MTMR8: variants seen among roughly 807,000 people sequenced by gnomAD.
MTMR8 encodes phosphatidylinositol-3,5-bisphosphate 3-phosphatase MTMR8.
In MTMR8, 65 loss-of-function variants were observed where a neutral mutation model predicts 39.3. That is an observed-to-expected ratio of 1.65 (90% CI 1.35 to 2.03). The LOEUF (loss-of-function observed/expected upper bound fraction) is 2.03. Among genes scored for constraint, MTMR8 ranks in the 30% most tolerant of loss-of-function variants. The probability of loss-of-function intolerance (pLI) is 0.00; values close to 1 mark genes in which losing one functional copy is unlikely to be tolerated. For missense variants in MTMR8, 777 were observed against 538.9 expected (o/e 1.44, Z -4.37); for synonymous variants, 245 against 185.2 (o/e 1.32, Z -2.62).
chrX:64,343,014 A>G (rs762816261), intron 8 of MTMR8, among the ~76,000 whole-genome samples: 73 of 111,902 alleles, frequency 6.5e-4, no homozygotes, highest in Non-Finnish European at 1.0e-3. Flanking sequence ...TAAATGAGTC[A>G]GCATAAATAC....
At chrX:64,385,068 C>T (rs1924523586) in intron 1 of MTMR8, among the ~76,000 whole-genome samples, 1 of 112,172 alleles carries the variant, frequency 8.9e-6, no homozygotes, top group Admixed American at 9.5e-5. Context: ...AGCAGCCATG[C>T]CATTCTTGAA....
intron 12 of MTMR8, among the ~76,000 whole-genome samples, chrX:64,290,618 A>C (rs1921362490): frequency 9.2e-6 from 1 of 108,742 alleles, no homozygotes; most frequent in African/African-American, 3.4e-5. Flanking sequence ...CCTCATACCC[A>C]CCACCTCCTC....
chrX:64,278,907 A>ATG (rs764549438), intron 12 of MTMR8, among the ~76,000 whole-genome samples: 1 of 111,938 alleles, frequency 8.9e-6, no homozygotes, highest in African/African-American at 3.2e-5. Flanking sequence ...AGGCTGCAGA[A>ATG]TAGCAAAGAT....
At position 64,271,353 on chromosome X, in the gene MTMR8, C is replaced by T. The variant is rs150735176; in HGVS notation, c.1482-280G>A. Among the ~76,000 whole-genome samples the T allele has an allele frequency of 9.2e-3, 1,025 of 111,822 alleles. 13 individuals are homozygous for T. The highest frequency in any genetic ancestry group is 0.042 in the Admixed American group (448 of 10,565). On this transcript the variant is annotated intron_variant, in intron 12 of 13. Transcript: ENST00000374852. ...TTTTACTTTGAGATAATTATAGACT[C>T]ACATGTAGTTTTATGAAATAATAAG... is the stretch of plus-strand genomic sequence containing the variant.
chrX:64,346,550 T>C (rs904344098), intron 6 of MTMR8, among the ~76,000 whole-genome samples: 4 of 109,750 alleles, frequency 3.6e-5, no homozygotes, highest in African/African-American at 1.3e-4. Context: ...AAAATAATAA[T>C]AATAATAATA....
At chrX:64,380,437 T>G (rs753721923) in intron 1 of MTMR8, among the ~76,000 whole-genome samples, 2 of 112,769 alleles carry the variant, frequency 1.8e-5, no homozygotes, top group East Asian at 5.6e-4. Flanking sequence ...AAAGGTTAAC[T>G]TAATTGGCCT....
rs1276803044 is a variant in MTMR8 at position 64,353,149 on chromosome X, T to C, written c.468+1628A>G. ...TGGTTCTGGGAAAACTGGATGTCCA[T>C]ATGCAAAGAAACACTTTAGGATATT... On this transcript the variant is annotated intron_variant, in intron 4 of 13. Transcript: ENST00000374852. 3.6e-5 allele frequency among the ~76,000 whole-genome samples: 4 copies of C among 111,863 alleles called. 1 individual carries two copies. Among genetic ancestry groups the C allele is most frequent in the African/African-American group, 1.3e-4 (4 of 30,740 alleles).
intron 1 of MTMR8, among the ~76,000 whole-genome samples, chrX:64,389,256 G>A (rs1317801665): frequency 9.0e-6 from 1 of 111,682 alleles, no homozygotes; most frequent in African/African-American, 3.3e-5. Flanking sequence ...GACAGTCTAA[G>A]GTCACATAGC....
intron 1 of MTMR8, among the ~76,000 whole-genome samples, chrX:64,382,447 T>C (rs1001478879): frequency 1.8e-5 from 2 of 111,968 alleles, no homozygotes; most frequent in Non-Finnish European, 3.8e-5. Flanking sequence ...TTTTGCACAT[T>C]GATTTTGTAT....
chrX:64,354,922 T>C lies in MTMR8; in HGVS notation c.323A>G (p.Asp108Gly), dbSNP rs775536620. Residue 108 changes from aspartate (D) to glycine (G), a missense_variant, in exon 4 of 14, where the codon GAT becomes GGT. Coordinates refer to ENST00000374852, the MANE Select transcript of MTMR8 (RefSeq NM_017677.4). ...LKLSQPALPEDLYAFSYNPKS... is the reference protein window; with the variant it reads ...LKLSQPALPEGLYAFSYNPKS... ...GGGATTATAAGAAAAAGCATAAAGA[T>C]CTTCAGGTAATGCTGGAGAAGAGAG... The C allele has an allele frequency of 1.5e-5, 18 of 1,193,317 alleles. 1 individual carries two copies. Among genetic ancestry groups the C allele is most frequent in the Non-Finnish European group, 1.7e-5 (15 of 887,587 alleles).
At chrX:64,378,223 A>C (rs1924320296) in intron 1 of MTMR8, among the ~76,000 whole-genome samples, 1 of 112,091 alleles carries the variant, frequency 8.9e-6, no homozygotes, top group African/African-American at 3.2e-5. Context: ...GAACAGACTA[A>C]AACAAGAAGA....
chrX:64,306,334 A>T (rs1922117412), intron 12 of MTMR8: 1 of 283,347 alleles, frequency 3.5e-6, no homozygotes, highest in Non-Finnish European at 7.1e-6. Context: ...GTGTTTGTCA[A>T]AGCCCATGCA....
intron 12 of MTMR8, among the ~76,000 whole-genome samples, chrX:64,316,760 G>C (rs1349558712): frequency 9.0e-6 from 1 of 111,256 alleles, no homozygotes; most frequent in African/African-American, 3.3e-5. Context: ...GAAATCCACT[G>C]TCATTTAAAC....
chrX:64,363,450 G>C (rs1187753023), intron 1 of MTMR8, among the ~76,000 whole-genome samples: 3 of 111,318 alleles, frequency 2.7e-5, no homozygotes, highest in Non-Finnish European at 5.6e-5. Context: ...CACTCTCTTG[G>C]TCCTGCTCCA....
chrX:64,351,145 A>AT (rs1177682248), intron 4 of MTMR8, among the ~76,000 whole-genome samples: 1 of 111,115 alleles, frequency 9.0e-6, no homozygotes, highest in Non-Finnish European at 1.9e-5. Flanking sequence ...GGTTATACAC[A>AT]TCAAAAAGAC....
chrX:64,269,544 G>A (rs768380824), intron 13 of MTMR8, among the ~76,000 whole-genome samples: 4 of 111,036 alleles, frequency 3.6e-5, no homozygotes, highest in Non-Finnish European at 7.5e-5. Context: ...ATGACCTGTC[G>A]TCTACATCAT....
chrX:64,383,448 ATAT>A (rs1924482653), intron 1 of MTMR8, among the ~76,000 whole-genome samples: 1 of 108,897 alleles, frequency 9.2e-6, no homozygotes, highest in Non-Finnish European at 1.9e-5. Flanking sequence ...GAAATTATGT[ATAT>A]TATTATACAT....
chrX:64,345,873 C>T (rs770648404), intron 6 of MTMR8, among the ~76,000 whole-genome samples: 1 of 112,554 alleles, frequency 8.9e-6, no homozygotes, highest in South Asian at 3.7e-4. Context: ...CTTGCCTTGG[C>T]TTCCCAAAGT....
chrX:64,389,027 G>T (rs189958789), intron 1 of MTMR8, among the ~76,000 whole-genome samples: 54 of 111,800 alleles, frequency 4.8e-4, no homozygotes, highest in African/African-American at 1.7e-3. Flanking sequence ...AGACTGTTTG[G>T]CTTCGTATTT....
Sources: allele counts gnomAD v4.1 joint callset (sites outside exome capture counted in the v4.1 genomes callset), GRCh38; gene constraint gnomAD v4.1.1; transcripts MANE v1.5; gene names NCBI Gene and HGNC (gene_info 2026-07-23, HGNC 2026-07-21).